MERTK: variants seen among roughly 807,000 people sequenced by gnomAD.
The protein encoded by MERTK is tyrosine-protein kinase Mer.
In MERTK, 69 loss-of-function variants were observed where a neutral mutation model predicts 99.3. The ratio of observed to expected loss-of-function variants is 0.70; its 90% CI spans 0.57 to 0.85. The LOEUF (loss-of-function observed/expected upper bound fraction) is 0.85. MERTK is among the 40% of genes least tolerant of loss of function. The pLI is 0.00. For missense variants in MERTK, 1,125 were observed against 1,249.4 expected (o/e 0.90, Z 1.50); for synonymous variants, 426 against 467.6 (o/e 0.91, Z 1.15).
intron 4 of MERTK, among the ~76,000 whole-genome samples, chr2:111,949,577 A>G (rs1373627956): frequency 6.6e-6 from 1 of 152,234 alleles, no homozygotes; most frequent in East Asian, 1.9e-4. Flanking sequence ...GAAATCCCAT[A>G]AAGACTTATT....
intron 15 of MERTK, among the ~76,000 whole-genome samples, chr2:112,016,045 T>C (rs977926803): frequency 6.6e-6 from 1 of 152,180 alleles, no homozygotes; most frequent in African/African-American, 2.4e-5. Flanking sequence ...CCCTATCACA[T>C]TGTCTTGATT....
intron 6 of MERTK, among the ~76,000 whole-genome samples, chr2:111,971,833 C>T (rs1351619039): frequency 1.3e-5 from 2 of 152,170 alleles, no homozygotes; most frequent in African/African-American, 4.8e-5. Context: ...TTAGAGTCTT[C>T]AGTCTTCTGT....
intron 4 of MERTK, among the ~76,000 whole-genome samples, chr2:111,948,102 G>T (rs770209642): frequency 1.3e-4 from 20 of 152,152 alleles, no homozygotes; most frequent in Admixed American, 4.6e-4. Context: ...TACCACTGAC[G>T]TTTCCCATGC....
At chr2:112,011,520 G>A (rs1005082977) in intron 15 of MERTK, among the ~76,000 whole-genome samples, 2 of 152,186 alleles carry the variant, frequency 1.3e-5, no homozygotes, top group Admixed American at 6.5e-5. Flanking sequence ...GGGAGGCTGA[G>A]GCGGGGGAAT....
intron 1 of MERTK, among the ~76,000 whole-genome samples, chr2:111,917,622 G>A (rs1191259672): frequency 2.0e-5 from 3 of 152,046 alleles, no homozygotes; most frequent in Admixed American, 1.3e-4. Context: ...CGCAGTGGCC[G>A]ACGCCTGTAA....
At chr2:111,947,001 G>A (rs1030445716) in intron 3 of MERTK, among the ~76,000 whole-genome samples, 7 of 152,184 alleles carry the variant, frequency 4.6e-5, no homozygotes, top group Non-Finnish European at 8.8e-5. Context: ...AAGGCTGGGC[G>A]CGGTGGCACG....
At chr2:112,019,199 AG>A in intron 15 of MERTK, 2 of 665,942 alleles carry the variant, frequency 3.0e-6, no homozygotes, top group Admixed American at 4.3e-5. Context: ...TGGGGAAAAG[AG>A]AATATGATGT....
At chr2:111,942,292 G>A (rs1364460235) in intron 2 of MERTK, among the ~76,000 whole-genome samples, 1 of 152,202 alleles carries the variant, frequency 6.6e-6, no homozygotes, top group Non-Finnish European at 1.5e-5. Context: ...GAAATATGTA[G>A]AAGCACCCCC....
chr2:111,898,995 G>T (rs1465861061), intron 1 of MERTK, among the ~76,000 whole-genome samples, 199 bp downstream of exon 1: 2 of 152,194 alleles, frequency 1.3e-5, no homozygotes, highest in African/African-American at 2.4e-5. Context: ...CAAGCGTCCC[G>T]AGGGCACCCA....
chr2:112,007,228 C>T (rs891584846), intron 13 of MERTK, among the ~76,000 whole-genome samples: 4 of 152,194 alleles, frequency 2.6e-5, no homozygotes, highest in African/African-American at 9.7e-5. Flanking sequence ...GATCTCAGCT[C>T]ACTGCAAACT....
chr2:112,005,510 C>G (rs982431600), intron 13 of MERTK, among the ~76,000 whole-genome samples: 1 of 152,228 alleles, frequency 6.6e-6, no homozygotes, highest in African/African-American at 2.4e-5. Flanking sequence ...GGCAGCATTT[C>G]CTCTCCATGT....
chr2:112,017,871 A>G (rs1677250620), intron 15 of MERTK, among the ~76,000 whole-genome samples: 1 of 152,196 alleles, frequency 6.6e-6, no homozygotes, highest in Admixed American at 6.5e-5. Flanking sequence ...TTTAGGTTCT[A>G]CAACAAGTAG....
chr2:112,018,034 T>A (rs11680463), intron 15 of MERTK, among the ~76,000 whole-genome samples: 33,221 of 152,038 alleles, frequency 0.22, 4,027 homozygotes, highest in Middle Eastern at 0.38. Flanking sequence ...AGGGCTACAA[T>A]TGCATTTGTA....
At chr2:111,923,152 C>T (rs188825795) in intron 1 of MERTK, among the ~76,000 whole-genome samples, 2 of 152,294 alleles carry the variant, frequency 1.3e-5, no homozygotes, top group African/African-American at 2.4e-5. Flanking sequence ...TGACTCCATG[C>T]CAATCATCAT....
chr2:112,002,264 C>A (rs543180328), intron 11 of MERTK, among the ~76,000 whole-genome samples: 3 of 152,120 alleles, frequency 2.0e-5, no homozygotes, highest in African/African-American at 7.2e-5. Flanking sequence ...CCTCAAAGTG[C>A]TCAATTTAGC....
rs1573638351 is a variant in MERTK, at chr2:112,010,001, C to A, written c.2014C>A (p.Pro672Thr). 1 of 1,614,016 alleles carries A rather than the reference C, an allele frequency of 6.2e-7. No individual in the cohort carries two copies. Among genetic ancestry groups the A allele is most frequent in the Middle Eastern group, 1.6e-4 (1 of 6,062 alleles). ...QGIPKPMVIL[P>T]FMKYGDLHTY... ...CATCCCAAAGCCCATGGTAATTTTACCCTTCATGAAATACGGGGACCTGCA... is the reference window on the plus strand; with the variant it reads ...CATCCCAAAGCCCATGGTAATTTTAACCTTCATGAAATACGGGGACCTGCA... The change falls in exon 15 of 19, where the codon CCC becomes ACC. Residue 672 changes from proline to threonine, a missense_variant. Coordinates refer to ENST00000295408, the MANE Select transcript of MERTK (RefSeq NM_006343.3).
At chr2:111,994,785 GAA>G (rs11287004) in intron 9 of MERTK, 838 of 180,654 alleles carry the variant, frequency 4.6e-3, no homozygotes, top group Middle Eastern at 0.012. Flanking sequence ...CTCAAAAAAA[GAA>G]AAAAAAAAAA....
chr2:111,993,184 A>T (rs1422052077), intron 8 of MERTK, among the ~76,000 whole-genome samples: 1 of 152,082 alleles, frequency 6.6e-6, no homozygotes, highest in Non-Finnish European at 1.5e-5. Context: ...TGCAGGGGGC[A>T]TTTCTGGGCC....
chr2:111,967,440 T>C (rs932037990), intron 5 of MERTK, among the ~76,000 whole-genome samples: 1 of 152,100 alleles, frequency 6.6e-6, no homozygotes, highest in Non-Finnish European at 1.5e-5. Flanking sequence ...CACAAAGAAA[T>C]AAGATTCCCC....
Sources: gnomAD v4.1 joint callset for allele counts (sites outside exome capture counted in the v4.1 genomes callset) on GRCh38, gnomAD v4.1.1 for gene constraint, MANE v1.5 for transcripts, NCBI Gene and HGNC (gene_info 2026-07-23, HGNC 2026-07-21) for gene names.